The following FGF12 variants were observed in gnomAD, a reference collection of about 807,000 sequenced individuals.
FGF12 encodes fibroblast growth factor 12.
A neutral mutation model predicts 23.6 loss-of-function variants in FGF12; 14 were observed. That is an observed-to-expected ratio of 0.59 (90% CI 0.39 to 0.93). The LOEUF (loss-of-function observed/expected upper bound fraction) is 0.93. Among genes scored for constraint, FGF12 ranks in the 40% least tolerant of loss-of-function variants. The probability of loss-of-function intolerance (pLI) is 0.00; values close to 1 mark genes in which losing one functional copy is unlikely to be tolerated. For missense variants in FGF12, 175 were observed against 217.8 expected (o/e 0.80, Z 1.24); for synonymous variants, 62 against 77.3 (o/e 0.80, Z 1.04).
intron 2 of FGF12, among the ~76,000 whole-genome samples, chr3:192,450,560 G>C (rs1287006678): frequency 2.0e-5 from 3 of 152,106 alleles, no homozygotes; most frequent in African/African-American, 7.2e-5. Flanking sequence ...AGTGTTATCA[G>C]GCATTCATGT....
At chr3:192,279,056 G>A (rs917499244) in intron 4 of FGF12, among the ~76,000 whole-genome samples, 1 of 151,676 alleles carries the variant, frequency 6.6e-6, no homozygotes, top group Non-Finnish European at 1.5e-5. Flanking sequence ...ATATTGAGCT[G>A]GGAAATTTAC....
chr3:192,640,800 TTTG>T (rs1560178375), intron 2 of FGF12, among the ~76,000 whole-genome samples: 101 of 18,582 alleles, frequency 5.4e-3, no homozygotes, highest in South Asian at 0.017. Flanking sequence ...CTTTTTTTTG[TTTG>T]TTTGTTTGTT....
intron 2 of FGF12, among the ~76,000 whole-genome samples, chr3:192,387,800 T>G (rs1720111546): frequency 6.6e-6 from 1 of 151,884 alleles, no homozygotes; most frequent in African/African-American, 2.4e-5. Flanking sequence ...TGTGGGAGCA[T>G]CACCTGAGCC....
intron 2 of FGF12, among the ~76,000 whole-genome samples, chr3:192,646,814 A>G (rs1041385376): frequency 2.0e-5 from 3 of 152,128 alleles, no homozygotes; most frequent in African/African-American, 7.2e-5. Flanking sequence ...CTCTACGAAT[A>G]TACTGAAAAC....
chr3:192,355,422 G>C (rs1718426064), intron 3 of FGF12, among the ~76,000 whole-genome samples: 2 of 152,194 alleles, frequency 1.3e-5, no homozygotes, highest in Admixed American at 1.3e-4. Context: ...GACTATATCA[G>C]GAAAATATCA....
chr3:192,357,199 T>C (rs1718509965), intron 3 of FGF12, among the ~76,000 whole-genome samples: 2 of 152,156 alleles, frequency 1.3e-5, no homozygotes, highest in African/African-American at 4.8e-5. Context: ...AAAAAATATG[T>C]GGGGCCAGGC....
chr3:192,147,049 C>T (rs1361039404), intron 5 of FGF12, among the ~76,000 whole-genome samples: 1 of 152,132 alleles, frequency 6.6e-6, no homozygotes, highest in Admixed American at 6.5e-5. Context: ...ATGAAAACTG[C>T]CCCCCTCCTC....
Position 192,439,515 on chromosome 3 carries a change from T to C in FGF12, c.14-78977A>G, listed in dbSNP as rs564344266. ...CAACAAATACTTAGCAGTTTCCTTC[T>C]ATGTGCTGAGCATTTCACTGGCTTG... On this transcript the variant is annotated intron_variant, in intron 2 of 5. Coordinates refer to ENST00000445105, the MANE Select transcript of FGF12 (RefSeq NM_004113.6). 2.0e-5 allele frequency among the ~76,000 whole-genome samples: 3 copies of C among 152,328 alleles called. No individual in the cohort carries two copies. In the South Asian group the frequency reaches 6.2e-4, roughly 32 times the overall value.
intron 2 of FGF12, among the ~76,000 whole-genome samples, chr3:192,689,341 T>C (rs1486149907): frequency 2.0e-5 from 3 of 152,164 alleles, no homozygotes; most frequent in Non-Finnish European, 4.4e-5. Context: ...AAGTATCACA[T>C]GCACCTCATG....
intron 2 of FGF12, among the ~76,000 whole-genome samples, chr3:192,668,728 A>G (rs1159842114): frequency 2.0e-5 from 3 of 152,206 alleles, no homozygotes; most frequent in Non-Finnish European, 4.4e-5. Flanking sequence ...CTGCACTACT[A>G]GAGAGCAATC....
chr3:192,159,574 G>A (rs1424492235), intron 5 of FGF12, among the ~76,000 whole-genome samples: 2 of 152,112 alleles, frequency 1.3e-5, no homozygotes, highest in African/African-American at 2.4e-5. Flanking sequence ...GGTCAAGGTG[G>A]TATTACTAAT....
At chr3:192,702,147 C>G in intron 2 of FGF12, among the ~76,000 whole-genome samples, 1 of 152,132 alleles carries the variant, frequency 6.6e-6, no homozygotes, top group South Asian at 2.1e-4. Context: ...GGCTTATTTC[C>G]CTTAATGGGA....
At chr3:192,641,201 G>C (rs1482367984) in intron 2 of FGF12, among the ~76,000 whole-genome samples, 1 of 78,286 alleles carries the variant, frequency 1.3e-5, no homozygotes, top group Non-Finnish European at 2.7e-5. Context: ...CGCCTCCCGG[G>C]TTCACGCCAT....
intron 2 of FGF12, among the ~76,000 whole-genome samples, chr3:192,429,987 TTTAG>T (rs1721813542): frequency 6.6e-6 from 1 of 152,190 alleles, no homozygotes; most frequent in Non-Finnish European, 1.5e-5. Context: ...ACTATTCTAT[TTTAG>T]TTAAATAGCA....
intron 2 of FGF12, among the ~76,000 whole-genome samples, chr3:192,706,606 T>C (rs1718479682): frequency 6.6e-6 from 1 of 152,046 alleles, no homozygotes; most frequent in East Asian, 1.9e-4. Context: ...TAGTACAATA[T>C]CGTTTACAAA....
At chr3:192,377,086 G>A (rs561940317) in intron 2 of FGF12, among the ~76,000 whole-genome samples, 1 of 152,278 alleles carries the variant, frequency 6.6e-6, no homozygotes, top group African/African-American at 2.4e-5. Flanking sequence ...TCCCCGTTTG[G>A]GTTTCTAATT....
At chr3:192,188,205 A>C (rs1446111870) in intron 4 of FGF12, among the ~76,000 whole-genome samples, 1 of 152,246 alleles carries the variant, frequency 6.6e-6, no homozygotes, top group African/African-American at 2.4e-5. Context: ...AGACAGCTTG[A>C]ACTAAAAGAC....
intron 2 of FGF12, chr3:192,672,930 A>T (rs1717181631): frequency 6.6e-6 from 1 of 151,020 alleles, no homozygotes; most frequent in African/African-American, 2.4e-5. Flanking sequence ...AGAAAAAAAT[A>T]AGGCATAAAG....
At chr3:192,158,615 CTTCT>C (rs1299363010) in intron 5 of FGF12, among the ~76,000 whole-genome samples, 109 of 52,718 alleles carry the variant, frequency 2.1e-3, no homozygotes, top group Middle Eastern at 0.011. Flanking sequence ...TTTCTTCTTC[CTTCT>C]TTCTTTCTCT....
Sources: allele counts gnomAD v4.1 joint callset (sites outside exome capture counted in the v4.1 genomes callset), GRCh38; gene constraint gnomAD v4.1.1; transcripts MANE v1.5; gene names NCBI Gene and HGNC (gene_info 2026-07-23, HGNC 2026-07-21).